The following WWOX variants were observed in gnomAD, a reference collection of about 807,000 sequenced individuals.
The protein encoded by WWOX is WW domain containing oxidoreductase.
Under a neutral mutation model 46.2 loss-of-function variants are expected in WWOX, and 69 were observed. The observed-to-expected ratio is 1.49, with a 90% confidence interval of 1.23 to 1.82. The LOEUF is 1.82. Ranked by LOEUF, WWOX falls within the 40% of genes most tolerant of loss-of-function variation. The pLI is 0.00. For synonymous variants in WWOX, 359 were observed against 202.6 expected (o/e 1.77, Z -6.56); for missense variants, 919 against 542.6 (o/e 1.69, Z -6.89).
intron 8 of WWOX, among the ~76,000 whole-genome samples, chr16:78,791,136 G>C (rs191009910): frequency 5.9e-5 from 9 of 152,222 alleles, no homozygotes; most frequent in African/African-American, 1.7e-4. Context: ...GGAGGTCAGT[G>C]GGAGGAATAA....
intron 8 of WWOX, among the ~76,000 whole-genome samples, chr16:79,134,580 G>A (rs1380969526): frequency 6.6e-6 from 1 of 152,134 alleles, no homozygotes; most frequent in Non-Finnish European, 1.5e-5. Context: ...GAACTCCACA[G>A]TAGATTTTTT....
intron 8 of WWOX, among the ~76,000 whole-genome samples, chr16:79,177,736 AG>A (rs1449518962): frequency 6.6e-6 from 1 of 152,206 alleles, no homozygotes; most frequent in Non-Finnish European, 1.5e-5. Flanking sequence ...TTTTACAAAA[AG>A]GGTCAGCAGA....
intron 8 of WWOX, among the ~76,000 whole-genome samples, chr16:78,471,842 A>T (rs909195148): frequency 3.9e-5 from 6 of 152,212 alleles, no homozygotes; most frequent in Non-Finnish European, 5.9e-5. Context: ...GTACACATTA[A>T]ATAAACTTTT....
intron 8 of WWOX, among the ~76,000 whole-genome samples, chr16:79,011,981 C>G (rs976354037): frequency 1.6e-4 from 24 of 152,292 alleles, no homozygotes; most frequent in African/African-American, 5.3e-4. Flanking sequence ...CTAGAACTAT[C>G]TTTTTCCTCT....
intron 8 of WWOX, among the ~76,000 whole-genome samples, chr16:78,743,894 C>A (rs1178020699): frequency 6.6e-6 from 1 of 152,202 alleles, no homozygotes; most frequent in Non-Finnish European, 1.5e-5. Flanking sequence ...CCAGAAAATT[C>A]TTTAACCAGG....
At chr16:78,736,839 G>A (rs1025427362) in intron 8 of WWOX, among the ~76,000 whole-genome samples, 3 of 152,000 alleles carry the variant, frequency 2.0e-5, no homozygotes, top group Non-Finnish European at 4.4e-5. Context: ...AAACTCCTGG[G>A]CTCATACAAT....
At chr16:79,091,479 A>T (rs1435197526) in intron 8 of WWOX, among the ~76,000 whole-genome samples, 1 of 152,142 alleles carries the variant, frequency 6.6e-6, no homozygotes, top group African/African-American at 2.4e-5. Context: ...TGTGGACTTC[A>T]GGAATCTGGG....
intron 8 of WWOX, among the ~76,000 whole-genome samples, chr16:78,459,095 G>A (rs554277786): frequency 2.0e-5 from 3 of 152,116 alleles, no homozygotes; most frequent in Non-Finnish European, 4.4e-5. Flanking sequence ...GGACTGATCC[G>A]CAAGGGCCTT....
chr16:79,174,021 T>A (rs2050752054), intron 8 of WWOX, among the ~76,000 whole-genome samples: 1 of 152,224 alleles, frequency 6.6e-6, no homozygotes, highest in Non-Finnish European at 1.5e-5. Flanking sequence ...GGCAGGATAC[T>A]GTATTTTCAA....
chr16:78,479,285 C>T (rs1477219595), intron 8 of WWOX, among the ~76,000 whole-genome samples: 1 of 152,196 alleles, frequency 6.6e-6, no homozygotes, highest in Non-Finnish European at 1.5e-5. Flanking sequence ...GAATTTGTAT[C>T]AGTCAAGCCT....
At chr16:78,835,337 G>A (rs1228517768) in intron 8 of WWOX, among the ~76,000 whole-genome samples, 1 of 152,164 alleles carries the variant, frequency 6.6e-6, no homozygotes, top group Non-Finnish European at 1.5e-5. Flanking sequence ...AAATATTCTA[G>A]TAGTAAATAG....
intron 5 of WWOX, among the ~76,000 whole-genome samples, chr16:78,290,283 C>G (rs1425281020): frequency 7.2e-6 from 1 of 139,044 alleles, no homozygotes; most frequent in Non-Finnish European, 1.6e-5. Context: ...TCCTCGTTCC[C>G]CCCCCCACCC....
At chr16:78,834,783 T>C (rs2151161997) in intron 8 of WWOX, among the ~76,000 whole-genome samples, 1 of 152,312 alleles carries the variant, frequency 6.6e-6, no homozygotes, top group South Asian at 2.1e-4. Context: ...TGTCAAATCA[T>C]TACATTAGTT....
chr16:78,972,405 C>A (rs991032950), intron 8 of WWOX, among the ~76,000 whole-genome samples: 7 of 150,434 alleles, frequency 4.7e-5, no homozygotes, highest in African/African-American at 7.4e-5. Context: ...TTATTTATAT[C>A]TATAATATTT....
intron 8 of WWOX, among the ~76,000 whole-genome samples, chr16:78,497,303 A>G (rs776088278): frequency 3.3e-5 from 5 of 152,230 alleles, no homozygotes; most frequent in Non-Finnish European, 5.9e-5. Context: ...CTCACACCAT[A>G]TAGAAAAATC....
rs147308315 is a variant in WWOX at position 78,407,558 on chromosome 16, C to G, written c.606-17312C>G. On this transcript the variant is annotated intron_variant, in intron 6 of 8. Coordinates refer to ENST00000566780, the MANE Select transcript of WWOX (RefSeq NM_016373.4). The stretch of plus-strand genomic sequence containing the variant: ...CCCCATGGTGGTGTCTACTGCTGCT[C>G]CTAGACTCTTTAAAGCACCTTTCTC... 9.3e-4 allele frequency among the ~76,000 whole-genome samples: 141 copies of G among 152,262 alleles called. 1 individual carries two copies. The highest frequency in any genetic ancestry group is 3.3e-3 in the African/African-American group (138 of 41,556).
At chr16:78,496,649 A>C (rs2084926281) in intron 8 of WWOX, among the ~76,000 whole-genome samples, 1 of 152,198 alleles carries the variant, frequency 6.6e-6, no homozygotes. Context: ...CATTCTATGC[A>C]CCCCAAGTTT....
chr16:78,359,161 C>G (rs2081358617), intron 5 of WWOX, among the ~76,000 whole-genome samples: 1 of 152,156 alleles, frequency 6.6e-6, no homozygotes, highest in Non-Finnish European at 1.5e-5. Context: ...TATACCTTCA[C>G]CATATCATGT....
intron 8 of WWOX, among the ~76,000 whole-genome samples, chr16:78,609,202 G>C (rs2045838346): frequency 6.6e-6 from 1 of 152,196 alleles, no homozygotes; most frequent in East Asian, 1.9e-4. Flanking sequence ...AGGAAGTGTT[G>C]ATAGATATCA....
Sources: allele counts gnomAD v4.1 joint callset (sites outside exome capture counted in the v4.1 genomes callset), GRCh38; gene constraint gnomAD v4.1.1; transcripts MANE v1.5; gene names NCBI Gene and HGNC (gene_info 2026-07-23, HGNC 2026-07-21).